CPXM2: variants seen among roughly 807,000 people sequenced by gnomAD.
CPXM2 encodes carboxypeptidase X, M14 family member 2, also known as inactive carboxypeptidase-like protein X2.
A neutral mutation model predicts 86.1 loss-of-function variants in CPXM2; 66 were observed. The observed-to-expected ratio is 0.77, with a 90% CI of 0.63 to 0.94. The LOEUF (loss-of-function observed/expected upper bound fraction) is 0.94. Ranked by LOEUF, CPXM2 falls within the 40% of genes least tolerant of loss-of-function variation. The pLI, the probability that CPXM2 is intolerant of heterozygous loss-of-function variation, is 0.00. For missense variants in CPXM2, 948 were observed against 1,026.3 expected, an observed-to-expected ratio of 0.92 and a Z score of 1.04; for synonymous variants, 388 against 400.2, an observed-to-expected ratio of 0.97 and a Z score of 0.36.
intron 4 of CPXM2, among the ~76,000 whole-genome samples, chr10:123,814,819 T>C (rs548401466): frequency 3.3e-5 from 5 of 151,642 alleles, no homozygotes; most frequent in African/African-American, 9.7e-5. Flanking sequence ...AGGTCAGGAG[T>C]TCAAGACCAA....
At chr10:123,833,781 G>T (rs906075172) in intron 4 of CPXM2, among the ~76,000 whole-genome samples, 2 of 152,184 alleles carry the variant, frequency 1.3e-5, no homozygotes, top group African/African-American at 4.8e-5. Flanking sequence ...TCAGAGAACC[G>T]AGGATGTGGT....
chr10:123,941,152 C>G (rs1945773250), upstream of CPXM2, among the ~76,000 whole-genome samples: 1 of 152,152 alleles, frequency 6.6e-6, no homozygotes, highest in Non-Finnish European at 1.5e-5. Context: ...GCCTGGGTGA[C>G]AGAGCGAGAC....
chr10:123,869,720 T>C (rs1944860124), intron 2 of CPXM2, among the ~76,000 whole-genome samples: 1 of 152,222 alleles, frequency 6.6e-6, no homozygotes, highest in Non-Finnish European at 1.5e-5. Flanking sequence ...TAGCAGTCTC[T>C]GCATTACATA....
At chr10:123,918,692 C>A (rs1470866874) in intron 2 of CPXM2, among the ~76,000 whole-genome samples, 4 of 152,146 alleles carry the variant, frequency 2.6e-5, no homozygotes, top group Non-Finnish European at 5.9e-5. Context: ...AGTCTTCCAG[C>A]CCTGTCCCAA....
chr10:123,793,640 G>C (rs1009481670), intron 6 of CPXM2, among the ~76,000 whole-genome samples: 10 of 152,070 alleles, frequency 6.6e-5, no homozygotes, highest in African/African-American at 2.4e-4. Flanking sequence ...CAATAAGCTT[G>C]TCTATGCCCA....
intron 2 of CPXM2, among the ~76,000 whole-genome samples, chr10:123,931,806 T>C (rs9731471): frequency 0.062 from 9,450 of 152,258 alleles, 548 homozygotes; most frequent in African/African-American, 0.16. Flanking sequence ...AACCACTATA[T>C]GTAAAAAGGT....
intron 1 of CPXM2, among the ~76,000 whole-genome samples, chr10:123,889,928 A>G (rs1263817758): frequency 6.6e-6 from 1 of 152,186 alleles, no homozygotes; most frequent in African/African-American, 2.4e-5. Context: ...GCACTTAAAA[A>G]AAAACTAGAA....
chr10:123,747,099 C>T, intron 13 of CPXM2, 82 bp from the exon 14 acceptor site: 1 of 1,514,460 alleles, frequency 6.6e-7, no homozygotes, highest in South Asian at 1.3e-5. Flanking sequence ...GACCAGCTCC[C>T]TGGGCCAGAG....
At chr10:123,884,736 C>T (rs1324809776) in intron 1 of CPXM2, among the ~76,000 whole-genome samples, 1 of 152,230 alleles carries the variant, frequency 6.6e-6, no homozygotes, top group Non-Finnish European at 1.5e-5. Flanking sequence ...CTCTTTCTCT[C>T]TCTGTCTCTC....
intron 2 of CPXM2, among the ~76,000 whole-genome samples, chr10:123,901,910 T>G (rs1478549950): frequency 6.6e-6 from 1 of 152,170 alleles, no homozygotes; most frequent in Non-Finnish European, 1.5e-5. Context: ...CACTCGGAGG[T>G]AAGCGGGGCT....
chr10:123,846,598 G>A (rs1848501008), intron 3 of CPXM2, among the ~76,000 whole-genome samples: 1 of 152,108 alleles, frequency 6.6e-6, no homozygotes, highest in Non-Finnish European at 1.5e-5. Context: ...TGTACTAGAG[G>A]ATGCACTCCA....
chr10:123,877,364 A>G (rs959935982), intron 2 of CPXM2, among the ~76,000 whole-genome samples: 2 of 152,218 alleles, frequency 1.3e-5, no homozygotes, highest in Admixed American at 1.3e-4. Flanking sequence ...GCTGTATAAC[A>G]AGCAACCCCT....
In CPXM2 at chr10:123,746,935, GGT is replaced by G. The variant is rs769997744; in HGVS notation, c.2098_2099del (p.Thr700GlnfsTer8). On this transcript the variant is annotated frameshift_variant, in exon 14 of 14. Transcript: ENST00000241305. LOFTEE classifies it high-confidence loss of function. ...TGTCATAGCCAACCATACAGTTCTT[GGT>G]GGATGCAGTGAAACCTTCGGCCTTT... is the stretch of plus-strand genomic sequence containing the variant. ...TAKAEGFTASTKNCMVGYDMG... is the reference protein window; with the variant it reads ...TAKAEGFTASXKNCMVGYDMG... 25 of 1,614,056 alleles carry G rather than the reference GGT, an allele frequency of 1.5e-5. No homozygotes were observed. The African/African-American group carries it at 2.4e-4, about 16-fold the overall frequency.
intron 4 of CPXM2, among the ~76,000 whole-genome samples, chr10:123,837,196 G>C (rs943629912): frequency 2.0e-5 from 3 of 152,214 alleles, no homozygotes; most frequent in African/African-American, 7.2e-5. Context: ...GAAAGCGAGC[G>C]TCTCAGGGCT....
chr10:123,879,287 G>A (rs1299559536), intron 2 of CPXM2, among the ~76,000 whole-genome samples: 2 of 152,156 alleles, frequency 1.3e-5, no homozygotes, highest in East Asian at 3.9e-4. Context: ...GGACTCACAT[G>A]GCAGCTAAAG....
At chr10:123,932,246 T>C (rs1047432671) in intron 2 of CPXM2, among the ~76,000 whole-genome samples, 1 of 152,160 alleles carries the variant, frequency 6.6e-6, no homozygotes, top group Non-Finnish European at 1.5e-5. Flanking sequence ...TAGGGTGGTA[T>C]TGGGCTGCTC....
rs1399563169 is a variant in CPXM2, at chr10:123,781,247, C to A, written c.890-992G>T. On this transcript the variant is annotated intron_variant, in intron 6 of 13. Transcript: ENST00000241305. Reference sequence around the variant, plus strand: ...CTTTGGGGACTGGGATTCGGGGGGTCAGGGAGGCAATGTCTGCTCTTCACT... The same window carrying A: ...CTTTGGGGACTGGGATTCGGGGGGTAAGGGAGGCAATGTCTGCTCTTCACT... 3.3e-5 allele frequency among the ~76,000 whole-genome samples: 5 copies of A among 152,168 alleles called. No individual in the cohort carries two copies. The East Asian group carries it at 9.6e-4, about 29-fold the overall frequency.
chr10:123,841,121 C>T (rs1848377014), intron 4 of CPXM2, among the ~76,000 whole-genome samples: 1 of 152,072 alleles, frequency 6.6e-6, no homozygotes, highest in African/African-American at 2.4e-5. Flanking sequence ...TTCTCAATGT[C>T]GGCAGATGTT....
chr10:123,878,072 G>A (rs562860045), intron 2 of CPXM2, among the ~76,000 whole-genome samples: 2 of 152,180 alleles, frequency 1.3e-5, no homozygotes, highest in East Asian at 3.9e-4. Flanking sequence ...AGTGCAACCT[G>A]AGTAGATCCT....
Sources: gnomAD v4.1 joint callset for allele counts (sites outside exome capture counted in the v4.1 genomes callset) on GRCh38, gnomAD v4.1.1 for gene constraint, MANE v1.5 for transcripts, NCBI Gene and HGNC (gene_info 2026-07-23, HGNC 2026-07-21) for gene names.